PRKG1: variants seen among roughly 807,000 people sequenced by gnomAD.
PRKG1 encodes cGMP-dependent protein kinase 1.
In PRKG1, 35 loss-of-function variants were observed where a neutral mutation model predicts 88.1. That is an observed-to-expected ratio of 0.40 (90% confidence interval 0.30 to 0.53). The LOEUF (loss-of-function observed/expected upper bound fraction) is 0.53, where lower values mean the gene tolerates loss of function less well. PRKG1 is among the 20% of genes least tolerant of loss of function. PRKG1 has a pLI of 0.59. For synonymous variants in PRKG1, 303 were observed against 292.5 expected, an observed-to-expected ratio of 1.04 and a Z score of -0.37; for missense variants, 540 against 839.8, an observed-to-expected ratio of 0.64 and a Z score of 4.41.
intron 3 of PRKG1, among the ~76,000 whole-genome samples, chr10:51,496,021 C>A (rs1295290525): frequency 1.3e-5 from 2 of 152,022 alleles, no homozygotes; most frequent in Admixed American, 1.3e-4. Context: ...ATTTTTTTAA[C>A]CAACATATTT....
At chr10:51,205,122 C>CTTTTTT in intron 2 of PRKG1, among the ~76,000 whole-genome samples, 1 of 34,932 alleles carries the variant, frequency 2.9e-5, no homozygotes, top group Non-Finnish European at 6.0e-5. Flanking sequence ...TTTTCATTTT[C>CTTTTTT]TTTTCTTTTT....
In PRKG1 at chr10:52,179,693, T is replaced by A. The variant is rs185062282; in HGVS notation, c.1076+17730T>A. ...AGATACACTTTGTTGTTGTTGCTGC[T>A]GTTGTTTTTGTTTGAGATAGAGTCT... On this transcript the variant is annotated intron_variant, in intron 9 of 17. Coordinates refer to ENST00000373980, the MANE Select transcript of PRKG1 (RefSeq NM_006258.4). 1.1e-4 allele frequency among the ~76,000 whole-genome samples: 17 copies of A among 152,328 alleles called. No individual in the cohort carries two copies. The East Asian group carries it at 2.1e-3, about 19-fold the overall frequency.
chr10:51,838,074 C>G (rs1466958824), intron 4 of PRKG1, among the ~76,000 whole-genome samples: 1 of 151,942 alleles, frequency 6.6e-6, no homozygotes, highest in African/African-American at 2.4e-5. Flanking sequence ...TGATCCATAT[C>G]AATACAATTC....
intron 3 of PRKG1, among the ~76,000 whole-genome samples, chr10:51,510,952 C>G (rs944423861): frequency 2.0e-5 from 3 of 147,468 alleles, no homozygotes; most frequent in Non-Finnish European, 1.5e-5. Context: ...GGGGTTTTTA[C>G]TATGCTGGCC....
In PRKG1 at chr10:52,235,166, C is replaced by T. The variant is rs199914427; in HGVS notation, c.1077-16404C>T. Among the ~76,000 whole-genome samples, 806 of 83,762 alleles carry T rather than the reference C, an allele frequency of 9.6e-3. 4 individuals are homozygous for T. The highest frequency in any genetic ancestry group is 0.091 in the East Asian group (236 of 2,580). The allele number at this position is 83,762 out of a possible 152,430, so 55.0% of individuals were successfully genotyped here. A position where few individuals can be genotyped will look rare whatever the true frequency, so the allele number is the denominator to read the frequency against. On this transcript the variant is annotated intron_variant, in intron 9 of 17. Transcript: ENST00000373980. ...GCCCTAAAAGAGCTCCTGAAGGAAG[C>T]GCTAAACATGGAAAGGAACAACCGG...
chr10:51,623,822 C>T (rs377305115), intron 3 of PRKG1, among the ~76,000 whole-genome samples: 2 of 152,104 alleles, frequency 1.3e-5, no homozygotes, highest in African/African-American at 4.8e-5. Flanking sequence ...TATCCTCACG[C>T]CCTGAAGCTG....
chr10:51,114,307 A>G (rs1191873394), intron 1 of PRKG1, among the ~76,000 whole-genome samples: 2 of 152,136 alleles, frequency 1.3e-5, no homozygotes, highest in East Asian at 3.9e-4. Flanking sequence ...AAAGAGTAGA[A>G]ATAGCTTCAT....
At chr10:51,297,465 A>G (rs1840749996) in intron 2 of PRKG1, among the ~76,000 whole-genome samples, 1 of 152,098 alleles carries the variant, frequency 6.6e-6, no homozygotes. Context: ...TTGGATTTTC[A>G]TATTATAATT....
intron 2 of PRKG1, among the ~76,000 whole-genome samples, chr10:51,409,467 C>G (rs1448658643): frequency 2.0e-5 from 3 of 152,048 alleles, no homozygotes; most frequent in Non-Finnish European, 4.4e-5. Context: ...CAGAAAGCAC[C>G]CAGGGGCAGT....
intron 8 of PRKG1, among the ~76,000 whole-genome samples, chr10:52,154,775 G>T (rs1440983489): frequency 6.6e-6 from 1 of 152,030 alleles, no homozygotes; most frequent in East Asian, 1.9e-4. Flanking sequence ...CCAGTACGTA[G>T]TCTTTTATCT....
intron 3 of PRKG1, among the ~76,000 whole-genome samples, chr10:51,580,958 G>A (rs1589103414): frequency 6.6e-6 from 1 of 152,026 alleles, no homozygotes; most frequent in East Asian, 1.9e-4. Flanking sequence ...AGGTGGATCA[G>A]CAGGTCGAGA....
intron 2 of PRKG1, among the ~76,000 whole-genome samples, chr10:51,340,333 C>T (rs1841977117): frequency 6.6e-6 from 1 of 152,110 alleles, no homozygotes; most frequent in Non-Finnish European, 1.5e-5. Context: ...ATATATTGTA[C>T]TTAACTGATG....
intron 1 of PRKG1, among the ~76,000 whole-genome samples, chr10:51,079,149 T>C (rs1171295286): frequency 2.6e-5 from 4 of 152,188 alleles, no homozygotes; most frequent in Non-Finnish European, 4.4e-5. Context: ...AGTTCAATAC[T>C]TCTATGGGAT....
intron 1 of PRKG1, among the ~76,000 whole-genome samples, chr10:51,061,211 C>T (rs746640577): frequency 1.2e-4 from 18 of 151,882 alleles, no homozygotes; most frequent in Non-Finnish European, 2.2e-4. Context: ...TGGTGGAAGA[C>T]GAAGGAAGAG....
At chr10:51,935,051 C>T (rs1047900718) in intron 5 of PRKG1, among the ~76,000 whole-genome samples, 47 of 152,068 alleles carry the variant, frequency 3.1e-4, no homozygotes, top group African/African-American at 9.9e-4. Context: ...TACTCATTAC[C>T]AGGCTTCTCT....
intron 9 of PRKG1, among the ~76,000 whole-genome samples, chr10:52,193,563 C>CAAAAAAAAAAAAAA (rs67349420): frequency 8.4e-6 from 1 of 118,522 alleles, no homozygotes; most frequent in African/African-American, 3.3e-5. Flanking sequence ...AAAAAAAAAA[C>CAAAAAAAAAAAAAA]AAAAAAAAAA....
intron 5 of PRKG1, among the ~76,000 whole-genome samples, chr10:52,015,803 C>T (rs1048708513): frequency 1.3e-5 from 2 of 152,166 alleles, no homozygotes; most frequent in African/African-American, 4.8e-5. Context: ...GCCAGATACG[C>T]TAAATTATCT....
At chr10:51,802,685 A>G (rs1564652880) in intron 3 of PRKG1, among the ~76,000 whole-genome samples, 2 of 152,140 alleles carry the variant, frequency 1.3e-5, no homozygotes, top group African/African-American at 4.8e-5. Context: ...ACAAATTTAT[A>G]TAAGGAAACA....
At chr10:52,065,087 T>C (rs1846325847) in intron 7 of PRKG1, among the ~76,000 whole-genome samples, 1 of 152,084 alleles carries the variant, frequency 6.6e-6, no homozygotes, top group Admixed American at 6.6e-5. Flanking sequence ...CACTTGGGGG[T>C]TCTTCTCATG....
Sources: gnomAD v4.1 joint callset for allele counts (sites outside exome capture counted in the v4.1 genomes callset) on GRCh38, gnomAD v4.1.1 for gene constraint, MANE v1.5 for transcripts, NCBI Gene and HGNC (gene_info 2026-07-23, HGNC 2026-07-21) for gene names.